CAMK2D: variants seen among roughly 807,000 people sequenced by gnomAD.
The protein encoded by CAMK2D is calcium/calmodulin-dependent protein kinase type II subunit delta.
A neutral mutation model predicts 84.0 loss-of-function variants in CAMK2D; 37 were observed. That is an observed-to-expected ratio of 0.44 (90% CI 0.34 to 0.58). The LOEUF is 0.58. Ranked by LOEUF, CAMK2D falls within the 20% of genes least tolerant of loss-of-function variation. The pLI is 0.02. For synonymous variants in CAMK2D, 202 were observed against 212.5 expected (o/e 0.95, Z 0.43); for missense variants, 448 against 652.5 (o/e 0.69, Z 3.41).
chr4:113,684,196 G>A lies in CAMK2D; in HGVS notation c.161-22424C>T, dbSNP rs553195327. ...TGAAAGTCTACAGGCAGGGACTTCA[G>A]TTAGAAAGCTAATGAAAATTGTATC... On this transcript the variant is annotated intron_variant, in intron 2 of 20. Transcript: ENST00000511664. Among the ~76,000 whole-genome samples, 3 of 152,310 alleles carry A rather than the reference G, an allele frequency of 2.0e-5. No homozygotes were observed. The South Asian group carries it at 6.2e-4, about 32-fold the overall frequency.
At chr4:113,499,634 T>C (rs992618008) in intron 16 of CAMK2D, among the ~76,000 whole-genome samples, 31 of 152,308 alleles carry the variant, frequency 2.0e-4, no homozygotes, top group African/African-American at 7.5e-4. Flanking sequence ...TTATGGATCA[T>C]TGCTCCCAAT....
At chr4:113,711,956 A>G (rs17631017) in intron 2 of CAMK2D, among the ~76,000 whole-genome samples, 19,936 of 152,156 alleles carry the variant, frequency 0.13, 1,414 homozygotes, top group East Asian at 0.21. Flanking sequence ...TCTTAAGTAG[A>G]GCAGCCACTC....
In CAMK2D at chr4:113,658,388, C is replaced by G. The variant is rs143348316; in HGVS notation, c.220+3325G>C. ...AGGGCCCTTATGCAGGCTATTGGTT[C>G]CCTCTGCCTACAATGTTTTTCGTTT... On this transcript the variant is annotated intron_variant, in intron 3 of 20. Transcript: ENST00000511664. Among the ~76,000 whole-genome samples, 9 of 152,198 alleles carry G rather than the reference C, an allele frequency of 5.9e-5. No homozygotes were observed. The East Asian group carries it at 1.7e-3, about 29-fold the overall frequency.
rs145864082 is a variant in CAMK2D at position 113,705,819 on chromosome 4, G to A, written c.161-44047C>T. Reference sequence around the variant, plus strand: ...AGCCTCCTCAACATTTTAAAAGGACGTAATGTATGCATCAAGAATGCAAAG... The same window carrying A: ...AGCCTCCTCAACATTTTAAAAGGACATAATGTATGCATCAAGAATGCAAAG... On this transcript the variant is annotated intron_variant, in intron 2 of 20. Coordinates refer to ENST00000511664, the MANE Select transcript of CAMK2D (RefSeq NM_001321571.2). Among the ~76,000 whole-genome samples the A allele has an allele frequency of 7.1e-4, 108 of 152,224 alleles. 1 individual carries two copies. Among genetic ancestry groups the A allele is most frequent in the African/African-American group, 2.4e-3 (101 of 41,536 alleles).
intron 6 of CAMK2D, among the ~76,000 whole-genome samples, chr4:113,540,181 T>C (rs2098520777): frequency 6.6e-6 from 1 of 152,158 alleles, no homozygotes; most frequent in South Asian, 2.1e-4. Flanking sequence ...ACCACTCATA[T>C]AGCTTCCAAG....
chr4:113,467,735 C>T (rs2097492260), intron 16 of CAMK2D, among the ~76,000 whole-genome samples: 1 of 152,114 alleles, frequency 6.6e-6, no homozygotes, highest in South Asian at 2.1e-4. Flanking sequence ...AATAAGGATC[C>T]TGCCAGTGAC....
intron 2 of CAMK2D, among the ~76,000 whole-genome samples, chr4:113,706,386 C>G (rs913888731): frequency 6.6e-6 from 1 of 152,146 alleles, no homozygotes; most frequent in African/African-American, 2.4e-5. Flanking sequence ...GAAAATAGGA[C>G]ATTCCCTAAA....
intron 2 of CAMK2D, among the ~76,000 whole-genome samples, chr4:113,700,366 T>C (rs1416590572): frequency 2.0e-5 from 3 of 152,140 alleles, no homozygotes. Context: ...TGACAAAATA[T>C]TTATTTCTTG....
In CAMK2D at chr4:113,502,385, AAACAAC is replaced by A. The variant is rs139759722; in HGVS notation, c.1086+545_1086+550del. ...CCTTGATTCACCTCAAATTCATGCC[AAACAAC>A]AACAACAACAACAACAATAACAACA... is the stretch of plus-strand genomic sequence containing the variant. On this transcript the variant is annotated intron_variant, in intron 15 of 20. Coordinates refer to ENST00000511664, the MANE Select transcript of CAMK2D (RefSeq NM_001321571.2). Among the ~76,000 whole-genome samples the A allele has an allele frequency of 3.7e-3, 550 of 150,486 alleles. 3 individuals are homozygous for A. The highest frequency in any genetic ancestry group is 0.012 in the African/African-American group (492 of 40,800).
rs959611455 is a variant in CAMK2D at position 113,703,252 on chromosome 4, T to C, written c.161-41480A>G. Among the ~76,000 whole-genome samples the C allele has an allele frequency of 3.3e-5, 5 of 152,266 alleles. No individual in the cohort carries two copies. The South Asian group carries it at 1.0e-3, about 32-fold the overall frequency. On this transcript the variant is annotated intron_variant, in intron 2 of 20. Transcript: ENST00000511664. Reference sequence around the variant, plus strand: ...ACAGATAGATGATATAATAACAATGTGGTATATTAGTGGTGTAGAGAAAAT... The same window carrying C: ...ACAGATAGATGATATAATAACAATGCGGTATATTAGTGGTGTAGAGAAAAT...
At chr4:113,483,761 C>A (rs1381448086) in intron 16 of CAMK2D, among the ~76,000 whole-genome samples, 1 of 151,872 alleles carries the variant, frequency 6.6e-6, no homozygotes, top group Non-Finnish European at 1.5e-5. Context: ...GCACTCCAGC[C>A]TGGATGACAG....
intron 4 of CAMK2D, among the ~76,000 whole-genome samples, chr4:113,608,548 A>G (rs574177766): frequency 6.2e-4 from 95 of 152,296 alleles, no homozygotes; most frequent in Middle Eastern, 3.4e-3. Context: ...ACTAAGTCAA[A>G]TGATACAAAC....
chr4:113,465,536 C>T lies in CAMK2D; in HGVS notation c.1204G>A (p.Ala402Thr). 6.2e-7 allele frequency: 1 copy of T among 1,607,356 alleles called. No individual in the cohort carries two copies. Among genetic ancestry groups the T allele is most frequent in the Non-Finnish European group, 8.5e-7 (1 of 1,174,314 alleles). The change falls in exon 17 of 21, where the codon GCC becomes ACC. Residue 402 changes from alanine (A) to threonine (T), a missense_variant. Around this residue, in one of 7 missense-constraint regions of CAMK2D, gnomAD observed 219 missense variants for 272.1 expected, o/e 0.80. Coordinates refer to ENST00000511664, the MANE Select transcript of CAMK2D (RefSeq NM_001321571.2). The stretch of plus-strand genomic sequence containing the variant: ...TAAACGTCCGCTACTCACGTGTAGG[C>T]TTCAAAGTCCCCATTGTTGATAGCT... ...IEAINNGDFE[A>T]YTKICDPGLT...
At chr4:113,489,604 G>C (rs1398682656) in intron 16 of CAMK2D, among the ~76,000 whole-genome samples, 4 of 148,214 alleles carry the variant, frequency 2.7e-5, no homozygotes, top group African/African-American at 7.5e-5. Flanking sequence ...ATAAACATAC[G>C]TGTGCATGTG....
chr4:113,706,747 T>C (rs1327024702), intron 2 of CAMK2D, among the ~76,000 whole-genome samples: 1 of 152,172 alleles, frequency 6.6e-6, no homozygotes, highest in African/African-American at 2.4e-5. Context: ...ATAACTTTGG[T>C]GGATTAGAAG....
At chr4:113,649,703 G>T (rs1434010254) in intron 3 of CAMK2D, among the ~76,000 whole-genome samples, 1 of 152,182 alleles carries the variant, frequency 6.6e-6, no homozygotes, top group Non-Finnish European at 1.5e-5. Flanking sequence ...CAAGGAATAT[G>T]TCTCATTCAT....
chr4:113,583,027 G>A (rs952599232), intron 4 of CAMK2D, among the ~76,000 whole-genome samples: 10 of 152,202 alleles, frequency 6.6e-5, no homozygotes, highest in African/African-American at 2.4e-4. Flanking sequence ...GTCAAATCCT[G>A]CCTTTAAAAG....
intron 7 of CAMK2D, among the ~76,000 whole-genome samples, chr4:113,532,542 T>C (rs2098464914): frequency 6.6e-6 from 1 of 152,178 alleles, no homozygotes; most frequent in Non-Finnish European, 1.5e-5. Context: ...ACTCTGTGAA[T>C]TCCAAGGTAG....
chr4:113,506,196 T>C (rs2154155363), intron 13 of CAMK2D, among the ~76,000 whole-genome samples: 1 of 152,312 alleles, frequency 6.6e-6, no homozygotes, highest in Non-Finnish European at 1.5e-5. Flanking sequence ...TGGAAGTCTA[T>C]ATCTGATAAC....
Sources: allele counts gnomAD v4.1 joint callset (sites outside exome capture counted in the v4.1 genomes callset), GRCh38; gene constraint gnomAD v4.1.1; regional missense constraint gnomAD v4.1.1; transcripts MANE v1.5; gene names NCBI Gene and HGNC (gene_info 2026-07-23, HGNC 2026-07-21).